Variants in AKAP13 observed in about 807,000 individuals in gnomAD.
The protein encoded by AKAP13 is A-kinase anchor protein 13.
AKAP13 carries 80 observed loss-of-function variants against 264.5 expected under a neutral mutation model. That is an observed-to-expected ratio of 0.30 (90% CI 0.25 to 0.36). AKAP13 has a LOEUF of 0.36. AKAP13 is among the 10% of genes least tolerant of loss of function. AKAP13 has a pLI of 1.00. For missense variants in AKAP13, 3,712 were observed against 3,435.2 expected, an observed-to-expected ratio of 1.08 and a Z score of -2.01; for synonymous variants, 1,380 against 1,250.2, an observed-to-expected ratio of 1.10 and a Z score of -2.19.
intron 33 of AKAP13, among the ~76,000 whole-genome samples, chr15:85,739,323 T>C (rs2088787552): frequency 6.6e-6 from 1 of 152,234 alleles, no homozygotes; most frequent in Non-Finnish European, 1.5e-5. Flanking sequence ...GTTCGTTTGA[T>C]AAGTTTGGGT....
chr15:85,415,386 A>T (rs756695557), intron 1 of AKAP13: 3 of 1,604,772 alleles, frequency 1.9e-6, no homozygotes, highest in Non-Finnish European at 2.6e-6. Context: ...AAACCTCACC[A>T]TAAAAACCGA....
chr15:85,405,354 G>A (rs2071612271), intron 1 of AKAP13, among the ~76,000 whole-genome samples: 1 of 152,134 alleles, frequency 6.6e-6, no homozygotes, highest in South Asian at 2.1e-4. Context: ...GTTAACTTTG[G>A]TTGTGAAGTT....
chr15:85,478,280 T>A (rs1032186264), intron 1 of AKAP13, among the ~76,000 whole-genome samples: 1 of 152,210 alleles, frequency 6.6e-6, no homozygotes. Flanking sequence ...AGGCACATAT[T>A]ATAAATATAT....
At chr15:85,692,521 G>T (rs2085347030) in intron 16 of AKAP13, among the ~76,000 whole-genome samples, 2 of 151,144 alleles carry the variant, frequency 1.3e-5, no homozygotes, top group South Asian at 4.2e-4. Flanking sequence ...GGTGGTGGCA[G>T]TAGTGGTAGT....
At chr15:85,382,467 C>G (rs762875599) in intron 1 of AKAP13, among the ~76,000 whole-genome samples, 1 of 152,122 alleles carries the variant, frequency 6.6e-6, no homozygotes, top group African/African-American at 2.4e-5. Context: ...GGCTTCCCTT[C>G]CTGGTTGTGT....
intron 1 of AKAP13, among the ~76,000 whole-genome samples, chr15:85,395,615 T>G (rs2071071952): frequency 6.6e-6 from 1 of 152,184 alleles, no homozygotes. Flanking sequence ...AAAGGGAGAC[T>G]TTTCGATAGG....
At position 85,579,088 on chromosome 15, in the gene AKAP13, G is replaced by C. The variant is rs1336442547; in HGVS notation, c.1020G>C (p.Gln340His). ...CTTCTGAAGAGACTGAGAGCACTCA[G>C]TGCTGCCCAGGGAGCCCTGTTGCAC... ...LSSSEETEST[Q>H]CCPGSPVAQT... Residue 340 changes from glutamine (Q) to histidine (H), a missense_variant, in exon 7 of 37, where the codon CAG becomes CAC. Physicochemically the swap from Gln to His is conservative, Grantham distance 24. Coordinates refer to ENST00000394518, the MANE Select transcript of AKAP13 (RefSeq NM_007200.5). 6.2e-7 allele frequency: 1 copy of C among 1,614,072 alleles called. No homozygotes were observed.
At chr15:85,480,261 G>A (rs887669001) in intron 1 of AKAP13, among the ~76,000 whole-genome samples, 5 of 152,148 alleles carry the variant, frequency 3.3e-5, no homozygotes, top group South Asian at 2.1e-4. Context: ...CCAGAAAGGC[G>A]TCTCTGAGTA....
rs1389447611 is a variant in AKAP13 at position 85,672,644 on chromosome 15, T to G, written c.5101+2814T>G. ...TTTGGTACACTCAAAATATTTTAAC[T>G]GATATTTTAAGCACACTTAGTAGCT... On this transcript the variant is annotated intron_variant, in intron 14 of 36. Coordinates refer to ENST00000394518, the MANE Select transcript of AKAP13 (RefSeq NM_007200.5). 3.9e-5 allele frequency among the ~76,000 whole-genome samples: 6 copies of G among 152,368 alleles called. No individual in the cohort carries two copies. In the East Asian group the frequency reaches 1.2e-3, roughly 29 times the overall value.
chr15:85,619,608 A>C, intron 8 of AKAP13: 1 of 985,798 alleles, frequency 1.0e-6, no homozygotes, highest in Non-Finnish European at 1.2e-6. Flanking sequence ...GCTTTGAAAT[A>C]GCGTCGTCTT....
At chr15:85,635,675 T>C (rs748055528) in intron 8 of AKAP13, among the ~76,000 whole-genome samples, 49 of 152,170 alleles carry the variant, frequency 3.2e-4, no homozygotes, top group Non-Finnish European at 6.5e-4. Context: ...CTTTAGGAGT[T>C]TTATAGTTTT....
chr15:85,681,053 A>G (rs535518677), intron 14 of AKAP13, among the ~76,000 whole-genome samples: 2 of 152,266 alleles, frequency 1.3e-5, no homozygotes, highest in South Asian at 4.1e-4. Context: ...CCTGACCTCA[A>G]GTGATCTGCC....
intron 1 of AKAP13, among the ~76,000 whole-genome samples, chr15:85,430,765 A>G (rs2072991795): frequency 6.6e-6 from 1 of 152,122 alleles, no homozygotes; most frequent in Non-Finnish European, 1.5e-5. Context: ...TGCTGGCCTT[A>G]TGTACATTGG....
chr15:85,581,486 G>T lies in AKAP13; in HGVS notation c.3418G>T (p.Ala1140Ser). The change falls in exon 7 of 37, where the codon GCT becomes TCT. Residue 1140 changes from alanine to serine, a missense_variant. This residue lies in a region of AKAP13 where 2,759 missense variants were observed against 2,411.7 expected (regional missense o/e 1.14). Transcript: ENST00000394518. ...LGLPVALQDK[A>S]VTDPQGVGTP... ...TTTGCCAGTGGCTCTACAGGACAAA[G>T]CTGTGACTGACCCACAGGGAGTTGG... 6.2e-7 allele frequency: 1 copy of T among 1,614,210 alleles called. No homozygotes were observed. The highest frequency in any genetic ancestry group is 8.5e-7 in the Non-Finnish European group (1 of 1,180,032).
At chr15:85,527,457 A>G (rs6496055) in intron 3 of AKAP13, among the ~76,000 whole-genome samples, 79,311 of 152,022 alleles carry the variant, frequency 0.52, 21,138 homozygotes, top group Middle Eastern at 0.62. Flanking sequence ...CTGTGGTATT[A>G]AAGTTTCATG....
chr15:85,403,811 G>A (rs1012383298), intron 1 of AKAP13, among the ~76,000 whole-genome samples: 3 of 148,388 alleles, frequency 2.0e-5, no homozygotes, highest in East Asian at 4.0e-4. Flanking sequence ...CCACACCATC[G>A]CATGCCATCC....
At chr15:85,531,803 T>G (rs1027501207) in intron 3 of AKAP13, among the ~76,000 whole-genome samples, 1 of 152,184 alleles carries the variant, frequency 6.6e-6, no homozygotes, top group African/African-American at 2.4e-5. Context: ...TGAAGACTTA[T>G]CTTCATGGTT....
intron 1 of AKAP13, among the ~76,000 whole-genome samples, chr15:85,425,531 C>G (rs1004489865): frequency 6.6e-6 from 1 of 152,064 alleles, no homozygotes; most frequent in Non-Finnish European, 1.5e-5. Flanking sequence ...GCCTGGCCAA[C>G]ATGGTGAAAC....
intron 14 of AKAP13, among the ~76,000 whole-genome samples, chr15:85,671,540 A>G (rs924571861): frequency 1.3e-5 from 2 of 151,760 alleles, no homozygotes; most frequent in African/African-American, 4.8e-5. Context: ...ATACAAATCT[A>G]GCGTATTTGA....
Sources: allele counts gnomAD v4.1 joint callset (sites outside exome capture counted in the v4.1 genomes callset), GRCh38; gene constraint gnomAD v4.1.1; regional missense constraint gnomAD v4.1.1; transcripts MANE v1.5; gene names NCBI Gene and HGNC (gene_info 2026-07-23, HGNC 2026-07-21).